SGCZ: variants seen among roughly 807,000 people sequenced by gnomAD.
SGCZ encodes zeta-sarcoglycan.
SGCZ carries 40 observed loss-of-function variants against 41.3 expected under a neutral mutation model. That is an observed-to-expected ratio of 0.97 (90% confidence interval 0.75 to 1.26). The LOEUF (loss-of-function observed/expected upper bound fraction) is 1.26. Ranked by LOEUF, SGCZ falls within the 50% of genes most tolerant of loss-of-function variation. The pLI is 0.00. For missense variants in SGCZ, 552 were observed against 369.8 expected (o/e 1.49, Z -4.04); for synonymous variants, 206 against 137.5 (o/e 1.50, Z -3.49).
At chr8:14,632,053 T>C (rs1321349416) in intron 1 of SGCZ, among the ~76,000 whole-genome samples, 1 of 79,510 alleles carries the variant, frequency 1.3e-5, no homozygotes, top group Non-Finnish European at 2.8e-5. Flanking sequence ...GGTCTTGTTC[T>C]GTTGCAGGTT....
chr8:14,548,758 T>TA (rs1803708548), intron 2 of SGCZ, among the ~76,000 whole-genome samples: 1 of 152,260 alleles, frequency 6.6e-6, no homozygotes, highest in Non-Finnish European at 1.5e-5. Flanking sequence ...TGTGTATTTT[T>TA]AAAAAATCAA....
intron 3 of SGCZ, among the ~76,000 whole-genome samples, chr8:14,302,983 C>T (rs1202134718): frequency 6.6e-6 from 1 of 152,180 alleles, no homozygotes; most frequent in Admixed American, 6.5e-5. Context: ...TTACACTGAG[C>T]ACTTGCTCAG....
chr8:14,100,607 A>G (rs925856102), intron 7 of SGCZ, among the ~76,000 whole-genome samples: 8 of 142,230 alleles, frequency 5.6e-5, no homozygotes, highest in African/African-American at 1.9e-4. Flanking sequence ...TTATTAATTT[A>G]TATTAATATA....
At chr8:14,644,546 C>T (rs28493981) in intron 1 of SGCZ, among the ~76,000 whole-genome samples, 22,335 of 151,636 alleles carry the variant, frequency 0.15, 2,018 homozygotes, top group Admixed American at 0.22. Flanking sequence ...CTTCAAAGTC[C>T]ATTAATGGTT....
intron 1 of SGCZ, among the ~76,000 whole-genome samples, chr8:14,686,016 T>A: frequency 6.6e-6 from 1 of 152,106 alleles, no homozygotes; most frequent in Non-Finnish European, 1.5e-5. Context: ...AGCCCATACT[T>A]CTACTAATGA....
At chr8:14,971,645 CTTT>C (rs11456903) in intron 1 of SGCZ, among the ~76,000 whole-genome samples, 5 of 114,672 alleles carry the variant, frequency 4.4e-5, no homozygotes, top group East Asian at 2.4e-4. Context: ...ATTTTATATA[CTTT>C]TTTTTTTTTT....
At chr8:15,074,339 T>TG (rs1805456519) in intron 1 of SGCZ, among the ~76,000 whole-genome samples, 2 of 152,304 alleles carry the variant, frequency 1.3e-5, no homozygotes, top group South Asian at 4.1e-4. Context: ...AATTACTGGC[T>TG]GTCGTGCAGC....
chr8:14,578,626 T>C (rs955263214), intron 1 of SGCZ, among the ~76,000 whole-genome samples: 1 of 152,214 alleles, frequency 6.6e-6, no homozygotes, highest in Non-Finnish European at 1.5e-5. Flanking sequence ...AACTGTTGAT[T>C]AATTCTAGGG....
chr8:14,871,714 G>T (rs1033086789), intron 1 of SGCZ, among the ~76,000 whole-genome samples: 13 of 151,956 alleles, frequency 8.6e-5, no homozygotes, highest in Admixed American at 8.5e-4. Flanking sequence ...TGAGGCAGGA[G>T]AATTACTGGA....
intron 4 of SGCZ, among the ~76,000 whole-genome samples, chr8:14,179,964 G>A (rs1269469411): frequency 6.6e-6 from 1 of 152,170 alleles, no homozygotes; most frequent in African/African-American, 2.4e-5. Context: ...CAAGCACTAG[G>A]GGCCTCTCTG....
intron 4 of SGCZ, among the ~76,000 whole-genome samples, chr8:14,215,036 A>C (rs1377437864): frequency 6.6e-6 from 1 of 152,188 alleles, no homozygotes; most frequent in Non-Finnish European, 1.5e-5. Flanking sequence ...GCACATATAG[A>C]GCACTTCACT....
rs200511167 is a variant in SGCZ at position 15,046,374 on chromosome 8, CATTT to C, written c.39+191207_39+191210del. Among the ~76,000 whole-genome samples, 579 of 152,002 alleles carry C rather than the reference CATTT, an allele frequency of 3.8e-3. 1 individual carries two copies. Among genetic ancestry groups the C allele is most frequent in the Non-Finnish European group, 5.9e-3 (400 of 67,886 alleles). On this transcript the variant is annotated intron_variant, in intron 1 of 7. Coordinates refer to ENST00000382080, the MANE Select transcript of SGCZ (RefSeq NM_139167.4). The stretch of plus-strand genomic sequence containing the variant: ...AAGTTAATTCCCCCAAATCATTTTT[CATTT>C]ATTTATTTATTCACTTATATCAACA...
intron 1 of SGCZ, among the ~76,000 whole-genome samples, chr8:14,640,016 A>G (rs1473977977): frequency 6.6e-6 from 1 of 151,714 alleles, no homozygotes; most frequent in Admixed American, 6.6e-5. Context: ...AGAATAAACT[A>G]TACGTATTTA....
intron 4 of SGCZ, among the ~76,000 whole-genome samples, chr8:14,171,339 G>A (rs138355127): frequency 2.0e-5 from 3 of 151,998 alleles, no homozygotes; most frequent in African/African-American, 7.2e-5. Context: ...AGATCTTCAT[G>A]TTGCACTTTA....
intron 3 of SGCZ, among the ~76,000 whole-genome samples, chr8:14,304,838 G>C (rs1003152924): frequency 3.9e-5 from 6 of 152,102 alleles, no homozygotes; most frequent in African/African-American, 7.2e-5. Context: ...AGCACACCTA[G>C]TTTTGCATTA....
chr8:15,159,409 C>CT (rs1227046731), intron 1 of SGCZ, among the ~76,000 whole-genome samples: 1 of 152,154 alleles, frequency 6.6e-6, no homozygotes, highest in African/African-American at 2.4e-5. Context: ...CATGGGAACT[C>CT]TGACTTGAAA....
At chr8:14,289,442 G>A (rs945606784) in intron 3 of SGCZ, among the ~76,000 whole-genome samples, 3 of 151,906 alleles carry the variant, frequency 2.0e-5, no homozygotes, top group African/African-American at 7.3e-5. Context: ...TGAGACAATT[G>A]TTCAATATAG....
intron 1 of SGCZ, among the ~76,000 whole-genome samples, chr8:15,150,906 A>G (rs1197365017): frequency 6.6e-6 from 1 of 151,952 alleles, no homozygotes; most frequent in East Asian, 1.9e-4. Context: ...TTGCCCTCTC[A>G]TTTTCACACC....
chr8:14,755,584 A>G (rs769748866), intron 1 of SGCZ, among the ~76,000 whole-genome samples: 32 of 152,202 alleles, frequency 2.1e-4, no homozygotes, highest in African/African-American at 5.8e-4. Context: ...GACCTTTGAT[A>G]AGCTTTTATT....
Sources: allele counts gnomAD v4.1 joint callset (sites outside exome capture counted in the v4.1 genomes callset), GRCh38; gene constraint gnomAD v4.1.1; transcripts MANE v1.5; gene names NCBI Gene and HGNC (gene_info 2026-07-23, HGNC 2026-07-21).